Variants in RUBCN observed in about 807,000 individuals in gnomAD.
RUBCN encodes rubicon autophagy regulator, also known as run domain Beclin-1-interacting and cysteine-rich domain-containing protein.
In RUBCN, 74 loss-of-function variants were observed where a neutral mutation model predicts 113.2. The ratio of observed to expected loss-of-function variants is 0.65; its 90% CI spans 0.54 to 0.79. The LOEUF (loss-of-function observed/expected upper bound fraction) is 0.79. Ranked by LOEUF, RUBCN falls within the 30% of genes least tolerant of loss-of-function variation. The pLI, the probability that RUBCN is intolerant of heterozygous loss-of-function variation, is 0.00. For synonymous variants in RUBCN, 480 were observed against 490.0 expected (o/e 0.98, Z 0.27); for missense variants, 1,109 against 1,251.7 (o/e 0.89, Z 1.72).
chr3:197,696,855 C>A, intron 8 of RUBCN, 99 bp downstream of exon 8: 1 of 736,970 alleles, frequency 1.4e-6, no homozygotes, highest in African/African-American at 1.8e-5. Context: ...TGTGTACCCT[C>A]CAGAGAGCTG....
intron 1 of RUBCN, among the ~76,000 whole-genome samples, chr3:197,722,631 A>C: frequency 6.6e-6 from 1 of 150,702 alleles, no homozygotes; most frequent in Non-Finnish European, 1.5e-5. Flanking sequence ...GGCATCCAAC[A>C]TGGGAGCACC....
chr3:197,679,210 T>C (rs1336486393), intron 16 of RUBCN, among the ~76,000 whole-genome samples: 2 of 150,120 alleles, frequency 1.3e-5, no homozygotes, highest in African/African-American at 2.5e-5. Flanking sequence ...GGCTTCAGAC[T>C]GTCCTACGCT....
chr3:197,716,338 G>C (rs1293077924), intron 2 of RUBCN, among the ~76,000 whole-genome samples: 2 of 152,188 alleles, frequency 1.3e-5, no homozygotes, highest in East Asian at 1.9e-4. Flanking sequence ...ATGTTGGCCA[G>C]GCTGGTCTTA....
At position 197,676,753 on chromosome 3, in the gene RUBCN, C is replaced by T. The variant is rs1720477864; in HGVS notation, c.2646+132G>A. On this transcript the variant is annotated intron_variant, in intron 18 of 19. Coordinates refer to ENST00000296343, the MANE Select transcript of RUBCN (RefSeq NM_014687.4). ...CCAGGCTAAGGAACAGCAGCCCTTT[C>T]CAGTTCCTCTCCCAGTGCTGACTGG... is the stretch of plus-strand genomic sequence containing the variant. The T allele has an allele frequency of 1.2e-5, 19 of 1,555,578 alleles. No homozygotes were observed. In the South Asian group the frequency reaches 2.2e-4, roughly 18 times the overall value.
intron 11 of RUBCN, among the ~76,000 whole-genome samples, chr3:197,691,587 C>T (rs946302910): frequency 2.2e-4 from 33 of 152,108 alleles, no homozygotes; most frequent in Admixed American, 9.8e-4. Context: ...TGTTCTGAAA[C>T]GACTAGAGAA....
At chr3:197,693,308 GC>G (rs1408878439) in intron 11 of RUBCN, among the ~76,000 whole-genome samples, 5 of 152,120 alleles carry the variant, frequency 3.3e-5, no homozygotes. Context: ...TTGTCCCCCT[GC>G]CCCCAATGAT....
At chr3:197,722,689 G>A (rs559140566) in intron 1 of RUBCN, among the ~76,000 whole-genome samples, 1 of 151,766 alleles carries the variant, frequency 6.6e-6, no homozygotes, top group East Asian at 2.0e-4. Flanking sequence ...TCCTTTTGCT[G>A]AATTGACTCT....
Position 197,671,533 on chromosome 3 carries a change from T to A in RUBCN, c.*3485A>T, listed in dbSNP as rs575493338. 1.3e-5 allele frequency: 2 copies of A among 152,318 alleles called. No homozygotes were observed. Among genetic ancestry groups the A allele is most frequent in the South Asian group, 4.2e-4 (2 of 4,818 alleles). 9.4% of individuals were successfully genotyped at this position (152,318 alleles called of 1,614,324 possible). A position where few individuals can be genotyped will look rare whatever the true frequency, so the allele number is the denominator to read the frequency against. On this transcript the variant is annotated 3_prime_UTR_variant, in exon 20 of 20. Transcript: ENST00000296343. ...TACAGAGGAAGTTGAAGACAATTAA[T>A]TTTCAAACCTGGGTGACTAATGGTT...
rs748041323 is a variant in RUBCN, at chr3:197,700,802, T to A, written c.1072A>T (p.Ser358Cys). The change falls in exon 7 of 20, where the codon AGC becomes TGC. Residue 358 changes from serine to cysteine, a missense_variant. Physicochemically the swap from Ser to Cys is moderately radical, Grantham distance 112 (BLOSUM62 -1). Around this residue, in one of 3 missense-constraint regions of RUBCN, gnomAD observed 736 missense variants for 779.6 expected, o/e 0.94. Transcript: ENST00000296343. ...GCAGCAGAATCTGGCTTCTGGGAGC[T>A]GCTGGAGGAGAACAAATTGGAACTG... ...SSSSNLFSSS[S>C]SQKPDSAASS... is the part of the protein sequence containing the mutation. The A allele has an allele frequency of 7.4e-6, 12 of 1,614,164 alleles. No homozygotes were observed. Among genetic ancestry groups the A allele is most frequent in the Non-Finnish European group, 9.3e-6 (11 of 1,180,032 alleles).
intron 11 of RUBCN, among the ~76,000 whole-genome samples, chr3:197,693,119 A>T (rs1722608272): frequency 6.6e-6 from 1 of 152,092 alleles, no homozygotes. Flanking sequence ...GTGGGACATT[A>T]ACCTGATTTA....
chr3:197,680,531 C>A (rs1721098181), intron 16 of RUBCN, among the ~76,000 whole-genome samples: 1 of 151,740 alleles, frequency 6.6e-6, no homozygotes, highest in South Asian at 2.1e-4. Context: ...TACGCTCTAA[C>A]TGACAACTGG....
chr3:197,738,879 G>A (rs1162112001), upstream of RUBCN, among the ~76,000 whole-genome samples: 2 of 151,994 alleles, frequency 1.3e-5, no homozygotes, highest in East Asian at 3.9e-4. Flanking sequence ...CAGGCATGAG[G>A]CACCATACCT....
At chr3:197,734,450 T>C (rs1003410709) in intron 1 of RUBCN, among the ~76,000 whole-genome samples, 1 of 150,914 alleles carries the variant, frequency 6.6e-6, no homozygotes, top group African/African-American at 2.4e-5. Context: ...CCGAACTGCC[T>C]GGGTTTGAAT....
chr3:197,684,543 C>G (rs1721618671), intron 11 of RUBCN, among the ~76,000 whole-genome samples: 1 of 152,092 alleles, frequency 6.6e-6, no homozygotes, highest in African/African-American at 2.4e-5. Context: ...CACAACCCCT[C>G]ATATGCACAA....
rs1249212557 is a variant in RUBCN at position 197,707,081 on chromosome 3, C to T, written c.220-1906G>A. ...AATTGTGGCCGGGCGCGGTGGCTCACGCCTGTAATCCCAGCACTTTGGGAG... is the reference window on the plus strand; with the variant it reads ...AATTGTGGCCGGGCGCGGTGGCTCATGCCTGTAATCCCAGCACTTTGGGAG... On this transcript the variant is annotated intron_variant, in intron 2 of 19. Transcript: ENST00000296343. Among the ~76,000 whole-genome samples, 22 of 143,990 alleles carry T rather than the reference C, an allele frequency of 1.5e-4. 1 individual carries two copies. The highest frequency in any genetic ancestry group is 4.4e-5 in the Non-Finnish European group (3 of 67,994). The allele number at this position is 143,990 out of a possible 152,430, so 94.5% of individuals were successfully genotyped here.
chr3:197,685,774 A>C (rs576292712), intron 11 of RUBCN, among the ~76,000 whole-genome samples: 5 of 152,302 alleles, frequency 3.3e-5, no homozygotes, highest in Admixed American at 6.5e-5. Flanking sequence ...CAAAACCCAG[A>C]TCCCAGTGCA....
chr3:197,684,006 T>G, intron 12 of RUBCN, 151 bp downstream of exon 12: 1 of 613,076 alleles, frequency 1.6e-6, no homozygotes, highest in Non-Finnish European at 2.9e-6. Context: ...TTTCTTCCCG[T>G]GGGCTCGGCA....
intron 1 of RUBCN, among the ~76,000 whole-genome samples, chr3:197,730,858 T>C (rs565975851): frequency 8.4e-4 from 125 of 148,284 alleles, no homozygotes; most frequent in African/African-American, 2.8e-3. Context: ...CATTAAAATA[T>C]CTTTTTTTTT....
At chr3:197,726,940 A>ATTTT (rs1169226625) in intron 1 of RUBCN, among the ~76,000 whole-genome samples, 3,622 of 131,700 alleles carry the variant, frequency 0.028, 211 homozygotes, top group African/African-American at 0.098. Context: ...TGCACATTCT[A>ATTTT]TTTTTTTTTT....
Sources: gnomAD v4.1 joint callset for allele counts (sites outside exome capture counted in the v4.1 genomes callset) on GRCh38, gnomAD v4.1.1 for gene constraint, gnomAD v4.1.1 regional missense constraint, MANE v1.5 for transcripts, NCBI Gene and HGNC (gene_info 2026-07-23, HGNC 2026-07-21) for gene names.